The following NUDCD3 variants were observed in gnomAD, a reference collection of about 807,000 sequenced individuals.
The protein encoded by NUDCD3 is nudC domain-containing protein 3.
NUDCD3 carries 13 observed loss-of-function variants against 39.7 expected under a neutral mutation model. The observed-to-expected ratio is 0.33, with a 90% CI of 0.21 to 0.52. The LOEUF (loss-of-function observed/expected upper bound fraction) is 0.52, where lower values mean the gene tolerates loss of function less well. Ranked by LOEUF, NUDCD3 falls within the 20% of genes least tolerant of loss-of-function variation. NUDCD3 has a pLI of 0.96. For missense variants in NUDCD3, 453 were observed against 458.1 expected (o/e 0.99, Z 0.10); for synonymous variants, 175 against 172.4 (o/e 1.02, Z -0.12).
chr7:44,481,485 A>G (rs1427599329), intron 2 of NUDCD3: 1 of 152,252 alleles, frequency 6.6e-6, no homozygotes, highest in East Asian at 1.9e-4. Flanking sequence ...CCTTACTTAA[A>G]GTCAACCAAT....
At chr7:44,452,721 A>AG (rs1799817533) in intron 2 of NUDCD3, among the ~76,000 whole-genome samples, 1 of 152,250 alleles carries the variant, frequency 6.6e-6, no homozygotes, top group African/African-American at 2.4e-5. Context: ...AAGCCAGGAA[A>AG]GGCCATCGGA....
At chr7:44,458,227 G>A (rs902616125) in intron 2 of NUDCD3, among the ~76,000 whole-genome samples, 2 of 152,206 alleles carry the variant, frequency 1.3e-5, no homozygotes, top group African/African-American at 4.8e-5. Flanking sequence ...GCCACATAAT[G>A]TATTATTCCA....
At chr7:44,468,367 A>AG (rs1020385782) in intron 2 of NUDCD3, 3 of 1,284,610 alleles carry the variant, frequency 2.3e-6, no homozygotes, top group Admixed American at 2.3e-5. Context: ...AAAAAAAAAA[A>AG]AAAGAAAAGA....
chr7:44,396,958 T>C (rs1798637086), intron 4 of NUDCD3, among the ~76,000 whole-genome samples: 1 of 152,240 alleles, frequency 6.6e-6, no homozygotes, highest in African/African-American at 2.4e-5. Flanking sequence ...TTTTTGTTTT[T>C]TTCTGTGAAT....
intron 2 of NUDCD3, among the ~76,000 whole-genome samples, chr7:44,458,936 CTGTGTGTG>C (rs55947411): frequency 0.013 from 1,511 of 116,072 alleles, 19 homozygotes; most frequent in African/African-American, 0.04. Flanking sequence ...ACGGGGAGTG[CTGTGTGTG>C]TGTGTGTGTG....
chr7:44,388,157 C>G (rs1428423645), intron 5 of NUDCD3, among the ~76,000 whole-genome samples: 1 of 152,234 alleles, frequency 6.6e-6, no homozygotes, highest in Admixed American at 6.5e-5. Flanking sequence ...GCATTAGAAG[C>G]ACAATTTGAA....
Position 44,490,486 on chromosome 7 carries a change from C to CT in NUDCD3, c.114dup (p.Asp39ArgfsTer32). On this transcript the variant is annotated frameshift_variant, in exon 1 of 6. Coordinates refer to ENST00000355451, the MANE Select transcript of NUDCD3 (RefSeq NM_015332.4). LOFTEE classifies it high-confidence loss of function. ...GGGTGGCGCAGCAAGCGATAGAAGT[C>CT]TGTCTTGCGGTAGAGGAAGCCAAAG... is the stretch of plus-strand genomic sequence containing the variant. 1 of 1,608,762 alleles carries CT rather than the reference C, an allele frequency of 6.2e-7. No homozygotes were observed. Among genetic ancestry groups the CT allele is most frequent in the Non-Finnish European group, 8.5e-7 (1 of 1,177,916 alleles).
chr7:44,386,289 G>A (rs900769377), intron 5 of NUDCD3, among the ~76,000 whole-genome samples, 168 bp from the exon 6 acceptor site: 4 of 152,174 alleles, frequency 2.6e-5, no homozygotes, highest in Admixed American at 2.0e-4. Flanking sequence ...AGCAGCCTTC[G>A]ACCAAGGGAG....
chr7:44,462,334 TAC>T (rs1278873859), intron 2 of NUDCD3, among the ~76,000 whole-genome samples: 1 of 152,206 alleles, frequency 6.6e-6, no homozygotes, highest in Non-Finnish European at 1.5e-5. Context: ...GGGCTCGAGT[TAC>T]AGTTACTGAA....
At chr7:44,403,353 T>G (rs1798757711) in intron 4 of NUDCD3, among the ~76,000 whole-genome samples, 1 of 152,182 alleles carries the variant, frequency 6.6e-6, no homozygotes, top group East Asian at 1.9e-4. Context: ...CTGCTTAGGA[T>G]GAAACACTCA....
At chr7:44,462,920 G>T (rs1223659093) in intron 2 of NUDCD3, among the ~76,000 whole-genome samples, 1 of 150,340 alleles carries the variant, frequency 6.7e-6, no homozygotes, top group African/African-American at 2.5e-5. Context: ...GTGTATTCTG[G>T]GTTACCAATC....
chr7:44,443,165 C>T (rs920635150), intron 2 of NUDCD3, among the ~76,000 whole-genome samples: 1 of 152,028 alleles, frequency 6.6e-6, no homozygotes, highest in Non-Finnish European at 1.5e-5. Flanking sequence ...AGAAAGAGAA[C>T]AACCACATCC....
chr7:44,420,296 GA>G (rs1799113429), intron 3 of NUDCD3, among the ~76,000 whole-genome samples: 1 of 151,962 alleles, frequency 6.6e-6, no homozygotes, highest in Non-Finnish European at 1.5e-5. Flanking sequence ...GACAAGATTA[GA>G]GAAAAAAGAA....
chr7:44,439,708 G>A (rs146496389), intron 2 of NUDCD3, among the ~76,000 whole-genome samples: 2 of 151,948 alleles, frequency 1.3e-5, no homozygotes, highest in South Asian at 2.1e-4. Flanking sequence ...AAATAATACA[G>A]TAGCAAAGAA....
At chr7:44,435,462 G>A (rs191776724) in intron 2 of NUDCD3, among the ~76,000 whole-genome samples, 2 of 152,290 alleles carry the variant, frequency 1.3e-5, no homozygotes, top group East Asian at 3.9e-4. Context: ...ATGGACTGAA[G>A]CACGTAGCAT....
At chr7:44,488,214 A>T (rs1003569704) in intron 1 of NUDCD3, among the ~76,000 whole-genome samples, 3 of 151,674 alleles carry the variant, frequency 2.0e-5, no homozygotes, top group African/African-American at 7.3e-5. Context: ...GCACACCTGC[A>T]GTCCCAGCTA....
At chr7:44,484,446 T>C (rs1800561442) in intron 2 of NUDCD3, 1 of 153,426 alleles carries the variant, frequency 6.5e-6, no homozygotes, top group African/African-American at 2.4e-5. Flanking sequence ...CAGGTACTAT[T>C]ATTATCACCT....
At chr7:44,440,151 A>G (rs915935692) in intron 2 of NUDCD3, among the ~76,000 whole-genome samples, 9 of 152,246 alleles carry the variant, frequency 5.9e-5, no homozygotes, top group Non-Finnish European at 1.2e-4. Flanking sequence ...CTGGCCAACC[A>G]GCCTCAGCCA....
chr7:44,411,555 T>C (rs980183219), intron 3 of NUDCD3, among the ~76,000 whole-genome samples: 14 of 152,074 alleles, frequency 9.2e-5, no homozygotes, highest in African/African-American at 1.7e-4. Context: ...ATGAGGGAAA[T>C]GCAAATCAAA....
Sources: gnomAD v4.1 joint callset for allele counts (sites outside exome capture counted in the v4.1 genomes callset) on GRCh38, gnomAD v4.1.1 for gene constraint, MANE v1.5 for transcripts, NCBI Gene and HGNC (gene_info 2026-07-23, HGNC 2026-07-21) for gene names.